The following GEM variants were observed in gnomAD, a reference collection of about 807,000 sequenced individuals.
GEM encodes GTP binding protein overexpressed in skeletal muscle, also known as GTP-binding protein GEM.
A neutral mutation model predicts 33.0 loss-of-function variants in GEM; 31 were observed. That is an observed-to-expected ratio of 0.94 (90% CI 0.71 to 1.27). GEM has a LOEUF of 1.27. GEM is among the 50% of genes most tolerant of loss of function. GEM has a pLI of 0.00. For synonymous variants in GEM, 141 were observed against 143.7 expected, an observed-to-expected ratio of 0.98 and a Z score of 0.13; for missense variants, 354 against 390.5, an observed-to-expected ratio of 0.91 and a Z score of 0.79.
chr8:94,254,426 C>A (rs1808843961), intron 2 of GEM, among the ~76,000 whole-genome samples: 1 of 152,156 alleles, frequency 6.6e-6, no homozygotes, highest in Non-Finnish European at 1.5e-5. Flanking sequence ...GTCTACGCAA[C>A]TTAGGCTCTC....
intron 2 of GEM, chr8:94,259,881 C>T (rs557711433): frequency 1.6e-4 from 50 of 313,498 alleles, no homozygotes; most frequent in African/African-American, 9.4e-4. Flanking sequence ...GGGGCGCTGA[C>T]CCTCTGGCTC....
chr8:94,250,305 G>T lies in GEM; in HGVS notation c.*5C>A, dbSNP rs1808733148. 1 of 1,605,772 alleles carries T rather than the reference G, an allele frequency of 6.2e-7. No homozygotes were observed. Among genetic ancestry groups the T allele is most frequent in the Non-Finnish European group, 8.5e-7 (1 of 1,174,464 alleles). ...TCAAAGGGACATCTGGGTGACCCTG[G>T]GTTCCTAGAGTACAGAGAGGTCATG... On this transcript the variant is annotated 3_prime_UTR_variant, in exon 5 of 5. Transcript: ENST00000297596.
At position 94,250,439 on chromosome 8, in the gene GEM, G is replaced by A; in HGVS notation, c.762C>T (p.Ala254=). The A allele has an allele frequency of 6.2e-7, 1 of 1,614,036 alleles. No individual in the cohort carries two copies. Among genetic ancestry groups the A allele is most frequent in the East Asian group, 2.2e-5 (1 of 44,892 alleles). ...DSKEKNERRL[A]YQKRKESMPR... ...GCATGCTCTCCTTCCTTTTCTGGTA[G>A]GCCAGCCGCCGTTCATTCTTCTCCT... Residue 254 remains alanine (A), a synonymous_variant, in exon 5 of 5, where the codon GCC becomes GCT. Coordinates refer to ENST00000297596, the MANE Select transcript of GEM (RefSeq NM_005261.4).
In GEM at chr8:94,250,197, T is replaced by C; in HGVS notation, c.*113A>G. On this transcript the variant is annotated 3_prime_UTR_variant, in exon 5 of 5. Coordinates refer to ENST00000297596, the MANE Select transcript of GEM (RefSeq NM_005261.4). ...CCACAAGGCTAATACGCTAGCTCCC[T>C]GCTACAATGGGGGAAACCACATCTA... 1 of 861,980 alleles carries C rather than the reference T, an allele frequency of 1.2e-6. No homozygotes were observed. Among genetic ancestry groups the C allele is most frequent in the Non-Finnish European group, 1.8e-6 (1 of 551,246 alleles). 53.4% of individuals were successfully genotyped at this position (861,980 alleles called of 1,614,324 possible).
In GEM at chr8:94,252,219, T is replaced by C. The variant is rs751732240; in HGVS notation, c.413A>G (p.Glu138Gly). The change falls in exon 4 of 5, where the codon GAA becomes GGA. Residue 138 changes from glutamate (E) to glycine (G), a missense_variant. Physicochemically the swap from Glu to Gly is moderately conservative, Grantham distance 98. Transcript: ENST00000297596. ...GCAGTGGTCATGGAGCCATTCATTT[T>C]CCCCCTAATGAAACAATAAGATCTT... ...ILLDMWENKG[E>G]NEWLHDHCMQ... The C allele has an allele frequency of 6.2e-7, 1 of 1,601,352 alleles. No individual in the cohort carries two copies. Among genetic ancestry groups the C allele is most frequent in the African/African-American group, 1.3e-5 (1 of 74,766 alleles).
intron 1 of GEM, chr8:94,260,791 T>G: frequency 6.4e-6 from 2 of 312,866 alleles, no homozygotes; most frequent in Non-Finnish European, 5.9e-6. Flanking sequence ...GCCCATGGGC[T>G]TCCCCCTTCC....
Position 94,250,240 on chromosome 8 carries a change from A to C in GEM, c.*70T>G. On this transcript the variant is annotated 3_prime_UTR_variant, in exon 5 of 5. Coordinates refer to ENST00000297596, the MANE Select transcript of GEM (RefSeq NM_005261.4). ...CACATCTAACTTAAGTATTCAATCT[A>C]ATATAGATTATTGGTCCCAATGGCC... The C allele has an allele frequency of 8.0e-7, 1 of 1,252,372 alleles. No individual in the cohort carries two copies. Among genetic ancestry groups the C allele is most frequent in the Non-Finnish European group, 1.1e-6 (1 of 881,946 alleles). 77.6% of individuals were successfully genotyped at this position (1,252,372 alleles called of 1,614,324 possible). A position where few individuals can be genotyped will look rare whatever the true frequency, so the allele number is the denominator to read the frequency against.
chr8:94,259,653 G>A (rs946927201), intron 2 of GEM, among the ~76,000 whole-genome samples: 1 of 152,150 alleles, frequency 6.6e-6, no homozygotes, highest in Non-Finnish European at 1.5e-5. Flanking sequence ...AAGTTTCATT[G>A]TTATACTTCA....
At position 94,253,065 on chromosome 8, in the gene GEM, T is replaced by C. The variant is rs1808812228; in HGVS notation, c.379A>G (p.Ile127Val). The C allele has an allele frequency of 1.3e-6, 2 of 1,598,222 alleles. No homozygotes were observed. Among genetic ancestry groups the C allele is most frequent in the Non-Finnish European group, 1.7e-6 (2 of 1,165,626 alleles). Residue 127 changes from isoleucine to valine, a missense_variant, in exon 3 of 5, where the codon ATT becomes GTT. Coordinates refer to ENST00000297596, the MANE Select transcript of GEM (RefSeq NM_005261.4). ...TTTTCCCACATATCCAGGAGTATAA[T>C]CGTTGCACTTTCCCCATCAACCATC... ...TLMVDGESAT[I>V]ILLDMWENKG...
At chr8:94,253,438 T>C (rs1482619507) in intron 2 of GEM, among the ~76,000 whole-genome samples, 10 of 152,192 alleles carry the variant, frequency 6.6e-5, no homozygotes, top group African/African-American at 2.2e-4. Context: ...CTCAAGAGCT[T>C]TTGACTCAGA....
chr8:94,258,562 G>A (rs746183833), intron 2 of GEM, among the ~76,000 whole-genome samples: 32 of 152,132 alleles, frequency 2.1e-4, no homozygotes, highest in Non-Finnish European at 7.3e-5. Flanking sequence ...CACAGGATTT[G>A]GGTTCAATCA....
At chr8:94,253,860 G>A (rs1808831283) in intron 2 of GEM, among the ~76,000 whole-genome samples, 1 of 152,154 alleles carries the variant, frequency 6.6e-6, no homozygotes, top group South Asian at 2.1e-4. Context: ...TGGGGGGCAG[G>A]CGTAGAAAAG....
At chr8:94,257,407 C>T (rs1037285043) in intron 2 of GEM, among the ~76,000 whole-genome samples, 7 of 152,144 alleles carry the variant, frequency 4.6e-5, no homozygotes, top group African/African-American at 1.7e-4. Flanking sequence ...GTCTTGGACT[C>T]CTGACCTCAG....
In GEM at chr8:94,260,322, T is replaced by G. The variant is rs746276333; in HGVS notation, c.182A>C (p.Asp61Ala). 1 of 1,614,028 alleles carries G rather than the reference T, an allele frequency of 6.2e-7. No individual in the cohort carries two copies. Among genetic ancestry groups the G allele is most frequent in the Non-Finnish European group, 8.5e-7 (1 of 1,179,958 alleles). ...EDHCRRSWSS[D>A]STDSVISSES... ...AGAGGAGATGACTGAGTCTGTGGAG[T>G]CAGAGGACCAGCTTCGGCGGCAGTG... Residue 61 changes from aspartate to alanine, a missense_variant, in exon 2 of 5, where the codon GAC becomes GCC. Coordinates refer to ENST00000297596, the MANE Select transcript of GEM (RefSeq NM_005261.4).
At chr8:94,254,946 C>T (rs78161337) in intron 2 of GEM, among the ~76,000 whole-genome samples, 5,626 of 152,256 alleles carry the variant, frequency 0.037, 324 homozygotes, top group African/African-American at 0.13. Context: ...CACAGTGGGA[C>T]TATTTGGATT....
chr8:94,260,051 T>C (rs562390866), intron 2 of GEM, 122 bp downstream of exon 2: 3 of 639,868 alleles, frequency 4.7e-6, no homozygotes, highest in Admixed American at 2.6e-5. Context: ...AGCTCCCCCA[T>C]CAATTGTCCA....
chr8:94,252,970 T>C (rs970728073), intron 3 of GEM, 66 bp downstream of exon 3: 3 of 903,760 alleles, frequency 3.3e-6, no homozygotes, highest in Non-Finnish European at 5.6e-6. Context: ...AAGGTCACCC[T>C]TGCACCAAAC....
chr8:94,250,477 G>A lies in GEM; in HGVS notation c.724C>T (p.Arg242Trp), dbSNP rs749374110. 39 of 1,614,188 alleles carry A rather than the reference G, an allele frequency of 2.4e-5. No individual in the cohort carries two copies. The highest frequency in any genetic ancestry group is 3.3e-4 in the Middle Eastern group (2 of 6,062). The change falls in exon 5 of 5, where the codon CGG becomes TGG. Residue 242 changes from arginine to tryptophan, a missense_variant. By Grantham distance (101) the Arg-to-Trp change is moderately radical. Coordinates refer to ENST00000297596, the MANE Select transcript of GEM (RefSeq NM_005261.4). ...TCATTCTTCTCCTTGCTGTCCCGCC[G>A]AAGGCGCACCTGTCGCACAATGCCC... ...FEGIVRQVRLRRDSKEKNERR... is the reference protein window; with the variant it reads ...FEGIVRQVRLWRDSKEKNERR...
chr8:94,255,344 G>A (rs370983956), intron 2 of GEM, among the ~76,000 whole-genome samples: 2 of 152,304 alleles, frequency 1.3e-5, no homozygotes, highest in African/African-American at 4.8e-5. Context: ...TTCCTGACAG[G>A]ATCATTCTGT....
Sources: allele counts gnomAD v4.1 joint callset (sites outside exome capture counted in the v4.1 genomes callset), GRCh38; gene constraint gnomAD v4.1.1; transcripts MANE v1.5; gene names NCBI Gene and HGNC (gene_info 2026-07-23, HGNC 2026-07-21).